The following PTPRN2 variants were observed in gnomAD, a reference collection of about 807,000 sequenced individuals.
PTPRN2 encodes receptor-type tyrosine-protein phosphatase N2.
PTPRN2 carries 74 observed loss-of-function variants against 118.8 expected under a neutral mutation model. That is an observed-to-expected ratio of 0.62 (90% confidence interval 0.52 to 0.76). The LOEUF is 0.76. PTPRN2 is among the 30% of genes least tolerant of loss of function. The pLI is 0.00. For missense variants in PTPRN2, 1,481 were observed against 1,394.4 expected (o/e 1.06, Z -0.99); for synonymous variants, 641 against 608.0 (o/e 1.05, Z -0.80).
intron 11 of PTPRN2, among the ~76,000 whole-genome samples, chr7:158,045,650 G>C (rs1013920273): frequency 2.6e-5 from 4 of 152,236 alleles, no homozygotes; most frequent in African/African-American, 9.6e-5. Flanking sequence ...AGTGCAAAGG[G>C]CTTGCCAATA....
intron 11 of PTPRN2, among the ~76,000 whole-genome samples, chr7:158,056,318 C>T (rs759789320): frequency 1.3e-5 from 2 of 152,216 alleles, no homozygotes; most frequent in Non-Finnish European, 2.9e-5. Flanking sequence ...CACACAGAGG[C>T]CGGGAGCAGG....
chr7:158,119,650 A>G (rs557181938), intron 9 of PTPRN2, among the ~76,000 whole-genome samples: 4 of 151,838 alleles, frequency 2.6e-5, no homozygotes, highest in African/African-American at 9.7e-5. Flanking sequence ...TATTTACACA[A>G]CTTCTATTAC....
At chr7:158,282,625 C>T (rs1490830978) in intron 3 of PTPRN2, among the ~76,000 whole-genome samples, 2 of 152,246 alleles carry the variant, frequency 1.3e-5, no homozygotes, top group Non-Finnish European at 2.9e-5. Context: ...CGGCTGATCC[C>T]TCCTTGTGCT....
At position 158,428,010 on chromosome 7, in the gene PTPRN2, A is replaced by G. The variant is rs11975248; in HGVS notation, c.163+61725T>C. ...GCCTGCACAGCGCCGGGAAAGACGC[A>G]GAGTCCGAGACCAGCCTAGCTGAGT... On this transcript the variant is annotated intron_variant, in intron 2 of 22. Transcript: ENST00000389418. Among the ~76,000 whole-genome samples the G allele has an allele frequency of 9.1e-4, 111 of 122,026 alleles. 17 individuals are homozygous for G. Among genetic ancestry groups the G allele is most frequent in the African/African-American group, 4.2e-3 (103 of 24,696 alleles). The allele number at this position is 122,026 out of a possible 152,430, so 80.1% of individuals were successfully genotyped here. A position where few individuals can be genotyped will look rare whatever the true frequency, so the allele number is the denominator to read the frequency against.
intron 2 of PTPRN2, among the ~76,000 whole-genome samples, chr7:158,332,672 CACACCCACACTCTA>C (rs1804731765): frequency 1.1e-4 from 17 of 148,524 alleles, no homozygotes; most frequent in African/African-American, 3.6e-4. Context: ...AGACATCACT[CACACCCACACTCTA>C]ACCATAAGAG....
intron 6 of PTPRN2, among the ~76,000 whole-genome samples, chr7:158,148,563 T>G (rs1474823659): frequency 8.7e-6 from 1 of 114,600 alleles, no homozygotes; most frequent in African/African-American, 3.5e-5. Flanking sequence ...ACACCCCATC[T>G]CACGCCACAT....
rs115844149 is a variant in PTPRN2, at chr7:158,039,534, T to C, written c.1723+41764A>G. 8.0e-3 allele frequency among the ~76,000 whole-genome samples: 1,212 copies of C among 152,116 alleles called. 13 individuals carry two copies. The highest frequency in any genetic ancestry group is 0.027 in the African/African-American group (1,137 of 41,484). ...ACATCAGACTTTATTTAAGGAGAAG[T>C]CTCTAGGGAAACCCAAAGAAAAGTA... is the stretch of plus-strand genomic sequence containing the variant. On this transcript the variant is annotated intron_variant, in intron 11 of 22. Coordinates refer to ENST00000389418, the MANE Select transcript of PTPRN2 (RefSeq NM_002847.5).
At chr7:157,982,883 A>G (rs1267087057) in intron 11 of PTPRN2, among the ~76,000 whole-genome samples, 3 of 133,258 alleles carry the variant, frequency 2.3e-5, no homozygotes, top group African/African-American at 8.5e-5. Flanking sequence ...TCCCCCCTAA[A>G]CCCCGAGTCA....
intron 13 of PTPRN2, among the ~76,000 whole-genome samples, chr7:157,665,685 A>G (rs1375805793): frequency 6.6e-6 from 1 of 152,260 alleles, no homozygotes; most frequent in African/African-American, 2.4e-5. Context: ...ACATGCACAC[A>G]TATGTTTATT....
intron 4 of PTPRN2, among the ~76,000 whole-genome samples, chr7:158,194,091 A>G (rs1826005989): frequency 6.6e-6 from 1 of 150,538 alleles, no homozygotes; most frequent in Admixed American, 6.6e-5. Flanking sequence ...TGTTTCAACA[A>G]CAACAAAAAA....
intron 9 of PTPRN2, among the ~76,000 whole-genome samples, chr7:158,117,625 TA>T (rs1816831848): frequency 6.6e-6 from 1 of 152,176 alleles, no homozygotes; most frequent in South Asian, 2.1e-4. Context: ...ACTAAATTGT[TA>T]AAAGACAAGG....
chr7:157,621,587 C>CCTTTGCA, intron 14 of PTPRN2, 78 bp from the exon 15 acceptor site: 1 of 1,568,990 alleles, frequency 6.4e-7, no homozygotes, highest in East Asian at 2.2e-5. Flanking sequence ...GCAGCGGAGG[C>CCTTTGCA]CTTTGCACTC....
At chr7:157,559,136 T>C (rs1257587764) in intron 21 of PTPRN2, among the ~76,000 whole-genome samples, 3 of 152,230 alleles carry the variant, frequency 2.0e-5, no homozygotes, top group Non-Finnish European at 4.4e-5. Context: ...TGTGACCCCC[T>C]GCAGCACCCT....
chr7:158,254,925 A>G (rs1796928707), intron 3 of PTPRN2, among the ~76,000 whole-genome samples: 2 of 152,274 alleles, frequency 1.3e-5, no homozygotes, highest in Admixed American at 1.3e-4. Flanking sequence ...AATGCGAAGC[A>G]TGGTGTTACA....
intron 12 of PTPRN2, among the ~76,000 whole-genome samples, chr7:157,799,757 C>T (rs1002024618): frequency 5.3e-5 from 8 of 150,054 alleles, no homozygotes; most frequent in Middle Eastern, 6.8e-3. Flanking sequence ...AACCACCTCC[C>T]GAGCCGGCCC....
At chr7:157,620,713 A>G (rs996736278) in intron 15 of PTPRN2, among the ~76,000 whole-genome samples, 2 of 152,186 alleles carry the variant, frequency 1.3e-5, no homozygotes, top group Admixed American at 1.3e-4. Context: ...AAAGGAAGAC[A>G]CTGGTTCCTT....
chr7:158,092,983 C>A (rs537243077), intron 10 of PTPRN2, among the ~76,000 whole-genome samples: 2 of 152,202 alleles, frequency 1.3e-5, no homozygotes, highest in Non-Finnish European at 2.9e-5. Flanking sequence ...TAAGTTGAAA[C>A]CCTTGTAGTT....
chr7:158,007,769 G>A (rs1563323019), intron 11 of PTPRN2, among the ~76,000 whole-genome samples: 2 of 151,856 alleles, frequency 1.3e-5, no homozygotes, highest in Non-Finnish European at 2.9e-5. Context: ...ATGTGTGAGG[G>A]TGTGCTGTGT....
At position 158,361,057 on chromosome 7, in the gene PTPRN2, TCCACCCACACCCAGGACGAC is replaced by T. The variant is rs1161549083; in HGVS notation, c.164-44145_164-44126del. ...CCCAGGACGACGCACAGACCCCACA[TCCACCCACACCCAGGACGAC>T]GCACAGACCCCACATCCACCCTCAC... On this transcript the variant is annotated intron_variant, in intron 2 of 22. Transcript: ENST00000389418. Among the ~76,000 whole-genome samples, 13 of 104,574 alleles carry T rather than the reference TCCACCCACACCCAGGACGAC, an allele frequency of 1.2e-4. 1 individual carries two copies. The East Asian group carries it at 2.3e-3, about 19-fold the overall frequency. The allele number at this position is 104,574 out of a possible 152,430, so 68.6% of individuals were successfully genotyped here.
Sources: gnomAD v4.1 joint callset for allele counts (sites outside exome capture counted in the v4.1 genomes callset) on GRCh38, gnomAD v4.1.1 for gene constraint, MANE v1.5 for transcripts, NCBI Gene and HGNC (gene_info 2026-07-23, HGNC 2026-07-21) for gene names.